The following ZNF48 variants were observed in gnomAD, a reference collection of about 807,000 sequenced individuals.
ZNF48 encodes zinc finger protein 48, also known as zinc finger protein 553.
A neutral mutation model predicts 40.0 loss-of-function variants in ZNF48; 20 were observed. That is an observed-to-expected ratio of 0.50 (90% CI 0.35 to 0.73). The LOEUF (loss-of-function observed/expected upper bound fraction) is 0.73. Ranked by LOEUF, ZNF48 falls within the 30% of genes least tolerant of loss-of-function variation. The pLI is 0.01. For missense variants in ZNF48, 726 were observed against 851.9 expected, an observed-to-expected ratio of 0.85 and a Z score of 1.84; for synonymous variants, 298 against 329.7, an observed-to-expected ratio of 0.90 and a Z score of 1.04.
At position 30,395,551 on chromosome 16, in the gene ZNF48, G is replaced by C; in HGVS notation, c.-43G>C. The C allele has an allele frequency of 4.5e-6, 1 of 222,036 alleles. No individual in the cohort carries two copies. The highest frequency in any genetic ancestry group is 8.7e-6 in the Non-Finnish European group (1 of 115,192). 13.8% of individuals were successfully genotyped at this position (222,036 alleles called of 1,614,324 possible). ...GCTGAGGAGCTCCGGAGGGCGCCGGGGTGGCGGAGCCGGAGGCGGCCGGCA... is the reference window on the plus strand; with the variant it reads ...GCTGAGGAGCTCCGGAGGGCGCCGGCGTGGCGGAGCCGGAGGCGGCCGGCA... On this transcript the variant is annotated 5_prime_UTR_variant, in exon 1 of 3. Coordinates refer to ENST00000613509, the MANE Select transcript of ZNF48 (RefSeq NM_001214909.2). This position sits in a 1 kb window ranked among gnomAD's most constrained non-coding sequence, Gnocchi z 5.9.
In ZNF48 at chr16:30,397,905, C is replaced by G; in HGVS notation, c.655C>G (p.Pro219Ala). 1.9e-6 allele frequency: 3 copies of G among 1,613,136 alleles called. No individual in the cohort carries two copies. The highest frequency in any genetic ancestry group is 1.7e-6 in the Non-Finnish European group (2 of 1,179,170). The stretch of plus-strand genomic sequence containing the variant: ...CCAGCGGACACACACTGGTGAGAAG[C>G]CCTACAAGTGTGGCATATGTGGCAA... Reference protein sequence around the residue: ...KHQRTHTGEKPYKCGICGKGF... With the variant: ...KHQRTHTGEKAYKCGICGKGF... The change falls in exon 3 of 3, where the codon CCC becomes GCC. Residue 219 changes from proline (P) to alanine (A), a missense_variant. Transcript: ENST00000613509. The surrounding 1 kb of genome is among the most constrained non-coding windows in gnomAD (Gnocchi z 4.1).
chr16:30,379,666 TG>T, intron 1 of ZNF48: 1 of 616,040 alleles, frequency 1.6e-6, no homozygotes, highest in Non-Finnish European at 2.7e-6. Flanking sequence ...TTTTTTTTTT[TG>T]AGACAGGGTC....
In ZNF48 at chr16:30,381,322, G is replaced by A; in HGVS notation, c.-16+2912G>A. Reference sequence around the variant, plus strand: ...CCCTCCCTAAATGCGCCAGCCCCCAGGATCCCCCCACCAGACCCCCGGCCG... The same window carrying A: ...CCCTCCCTAAATGCGCCAGCCCCCAAGATCCCCCCACCAGACCCCCGGCCG... On this transcript the variant is annotated intron_variant, in intron 1 of 2. Coordinates refer to the ZNF48 transcript ENST00000528032. This position sits in a 1 kb window ranked among gnomAD's most constrained non-coding sequence, Gnocchi z 4.3. 2 of 1,567,888 alleles carry A rather than the reference G, an allele frequency of 1.3e-6. No homozygotes were observed. Among genetic ancestry groups the A allele is most frequent in the Non-Finnish European group, 1.8e-6 (2 of 1,142,134 alleles).
rs1275377387 is a variant in ZNF48 at position 30,382,311 on chromosome 16, C to T, written c.-16+3901C>T. 6.2e-7 allele frequency: 1 copy of T among 1,613,860 alleles called. No individual in the cohort carries two copies. The highest frequency in any genetic ancestry group is 1.7e-5 in the Admixed American group (1 of 59,992). On this transcript the variant is annotated intron_variant, in intron 1 of 2. Coordinates refer to the ZNF48 transcript ENST00000528032. The surrounding 1 kb of genome is among the most constrained non-coding windows in gnomAD (Gnocchi z 4.8). The stretch of plus-strand genomic sequence containing the variant: ...AGCGTGAAGTCAAACCCCTTCTTGA[C>T]AGACTTGCGGTGCAGCTGGTTGGGG...
chr16:30,387,705 C>A (rs2049912386), intron 1 of ZNF48, among the ~76,000 whole-genome samples: 1 of 149,086 alleles, frequency 6.7e-6, no homozygotes, highest in Non-Finnish European at 1.5e-5. Context: ...ATTACAGATG[C>A]CTGCCATCAT....
chr16:30,381,636 C>T lies in ZNF48; in HGVS notation c.-16+3226C>T. ...GTGAGTCATCAAGAAGCACAGGGAC[C>T]CAGTGGCCCTCTGAAACAGACACCA... On this transcript the variant is annotated intron_variant, in intron 1 of 2. Transcript: ENST00000528032. This position sits in a 1 kb window ranked among gnomAD's most constrained non-coding sequence, Gnocchi z 4.3. The T allele has an allele frequency of 1.3e-6, 2 of 1,494,248 alleles. No homozygotes were observed. Among genetic ancestry groups the T allele is most frequent in the Non-Finnish European group, 1.8e-6 (2 of 1,099,666 alleles). 92.6% of individuals were successfully genotyped at this position (1,494,248 alleles called of 1,614,324 possible). A position where few individuals can be genotyped will look rare whatever the true frequency, so the allele number is the denominator to read the frequency against.
intron 1 of ZNF48, chr16:30,379,776 T>A (rs2049817190): frequency 1.7e-6 from 1 of 596,040 alleles, no homozygotes; most frequent in Admixed American, 3.1e-5. Context: ...CTGGCAAATT[T>A]GTGTATTTTT....
At chr16:30,378,910 T>C in intron 1 of ZNF48, 1 of 1,015,156 alleles carries the variant, frequency 9.9e-7, no homozygotes, top group East Asian at 2.7e-5. Flanking sequence ...GAGAGAGAAG[T>C]CTGAGTGGTG....
At chr16:30,396,149 TC>T (rs2049983052) in intron 2 of ZNF48, among the ~76,000 whole-genome samples, 1 of 152,178 alleles carries the variant, frequency 6.6e-6, no homozygotes, top group Non-Finnish European at 1.5e-5. Context: ...TAGCCTCCTC[TC>T]TGCCCCTTTC....
chr16:30,394,865 G>A (rs975589848), upstream of ZNF48: 1 of 241,562 alleles, frequency 4.1e-6, no homozygotes, highest in Non-Finnish European at 8.6e-6. Context: ...CGGGCCCCAG[G>A]TCTGATTCCA....
At chr16:30,386,879 G>T (rs1490063684) in intron 1 of ZNF48, among the ~76,000 whole-genome samples, 2 of 149,994 alleles carry the variant, frequency 1.3e-5, no homozygotes, top group Non-Finnish European at 3.0e-5. Context: ...GGTCAGGCTG[G>T]TCTTGAACTT....
At chr16:30,388,315 T>G (rs1347467835) in intron 1 of ZNF48, among the ~76,000 whole-genome samples, 1 of 152,144 alleles carries the variant, frequency 6.6e-6, no homozygotes, top group Non-Finnish European at 1.5e-5. Flanking sequence ...ATGTACATTA[T>G]CTGTTTTTGT....
chr16:30,397,886 G>A lies in ZNF48; in HGVS notation c.636G>A (p.Arg212=), dbSNP rs539127462. Residue 212 remains arginine, a synonymous_variant, in exon 3 of 3, where the codon CGG becomes CGA. Coordinates refer to ENST00000613509, the MANE Select transcript of ZNF48 (RefSeq NM_001214909.2). The surrounding 1 kb of genome is among the most constrained non-coding windows in gnomAD (Gnocchi z 4.1). Reference sequence around the variant, plus strand: ...GTTCTGACCTGGTGAAACACCAGCGGACACACACTGGTGAGAAGCCCTACA... The same window carrying A: ...GTTCTGACCTGGTGAAACACCAGCGAACACACACTGGTGAGAAGCCCTACA... ...RQSSDLVKHQ[R]THTGEKPYKC... is the part of the protein sequence containing the mutation. 8 of 1,613,034 alleles carry A rather than the reference G, an allele frequency of 5.0e-6. No individual in the cohort carries two copies. Among genetic ancestry groups the A allele is most frequent in the Non-Finnish European group, 6.8e-6 (8 of 1,179,126 alleles).
At chr16:30,389,566 C>G (rs1398024426) in intron 1 of ZNF48, among the ~76,000 whole-genome samples, 1 of 141,440 alleles carries the variant, frequency 7.1e-6, no homozygotes, top group Non-Finnish European at 1.5e-5. Context: ...GAGTGAGACT[C>G]TGTCTCAAAA....
In ZNF48 at chr16:30,381,927, G is replaced by A. The variant is rs745449978; in HGVS notation, c.-16+3517G>A. On this transcript the variant is annotated intron_variant, in intron 1 of 2. Coordinates refer to the ZNF48 transcript ENST00000528032. The surrounding 1 kb of genome is among the most constrained non-coding windows in gnomAD (Gnocchi z 4.3). ...GTCAGGGATCCGGGGAGGCTCTGAG[G>A]CAGAATTAATTTCCTTTGTCAATAT... 2 of 1,611,684 alleles carry A rather than the reference G, an allele frequency of 1.2e-6. No individual in the cohort carries two copies. The highest frequency in any genetic ancestry group is 1.7e-6 in the Non-Finnish European group (2 of 1,178,880).
At chr16:30,378,818 G>A (rs921261287) in intron 1 of ZNF48, 1 of 845,958 alleles carries the variant, frequency 1.2e-6, no homozygotes, top group South Asian at 1.7e-5. Context: ...AGTTCCTTGA[G>A]GTTAGGGCCG....
rs955231436 is a variant in ZNF48 at position 30,399,770 on chromosome 16, G to C, written c.*663G>C. 2.0e-5 allele frequency: 3 copies of C among 152,462 alleles called. No homozygotes were observed. Among genetic ancestry groups the C allele is most frequent in the Non-Finnish European group, 4.4e-5 (3 of 68,246 alleles). 9.4% of individuals were successfully genotyped at this position (152,462 alleles called of 1,614,324 possible). ...GACAGAGCCCAGACCTTTGTGCCCT[G>C]GAGGGAGCCAACCCACCCTGACACG... On this transcript the variant is annotated 3_prime_UTR_variant, in exon 3 of 3. Coordinates refer to ENST00000613509, the MANE Select transcript of ZNF48 (RefSeq NM_001214909.2).
Position 30,399,099 on chromosome 16 carries a change from C to T in ZNF48, c.1849C>T (p.Leu617=). Residue 617 remains leucine (L), a synonymous_variant, in exon 3 of 3, where the codon CTG becomes TTG. Transcript: ENST00000613509. ...CCTCAAGCAGGAGGCAGCAACAGGA[C>T]TGGAATGACGCGGTCCAGGGAGGGC... is the stretch of plus-strand genomic sequence containing the variant. ...RPLKQEAATG[L]E 2 of 1,586,532 alleles carry T rather than the reference C, an allele frequency of 1.3e-6. No individual in the cohort carries two copies. Among genetic ancestry groups the T allele is most frequent in the Non-Finnish European group, 1.7e-6 (2 of 1,166,236 alleles).
At chr16:30,395,078 C>G (rs543472309), upstream of ZNF48, 26 of 382,204 alleles carry the variant, frequency 6.8e-5, no homozygotes, top group South Asian at 3.6e-4. The surrounding 1 kb of genome is among the most constrained non-coding windows in gnomAD (Gnocchi z 5.9). Context: ...GTCTCTCCCC[C>G]ACCCCTTTCC....
Sources: allele counts gnomAD v4.1 joint callset (sites outside exome capture counted in the v4.1 genomes callset), GRCh38; gene constraint gnomAD v4.1.1; non-coding constraint Gnocchi (gnomAD v3.1); transcripts MANE v1.5; gene names NCBI Gene and HGNC (gene_info 2026-07-23, HGNC 2026-07-21).